ANKRD33B: variants seen among roughly 807,000 people sequenced by gnomAD.
The protein encoded by ANKRD33B is ankyrin repeat domain 33B, also known as ankyrin repeat domain-containing protein 33B.
Under a neutral mutation model 21.5 loss-of-function variants are expected in ANKRD33B, and 6 were observed. The observed-to-expected ratio is 0.28, with a 90% CI of 0.15 to 0.55. The LOEUF is 0.55. Ranked by LOEUF, ANKRD33B falls within the 20% of genes least tolerant of loss-of-function variation. ANKRD33B has a pLI of 0.94. For synonymous variants in ANKRD33B, 347 were observed against 342.4 expected, an observed-to-expected ratio of 1.01 and a Z score of -0.15; for missense variants, 698 against 747.2, an observed-to-expected ratio of 0.93 and a Z score of 0.77.
chr5:10,579,419 A>G (rs1006205043), intron 1 of ANKRD33B, among the ~76,000 whole-genome samples: 1 of 151,994 alleles, frequency 6.6e-6, no homozygotes, highest in African/African-American at 2.4e-5. Flanking sequence ...TAAAACACAA[A>G]TCAGGTGCTG....
chr5:10,643,070 A>G lies in ANKRD33B; in HGVS notation c.637+4902A>G, dbSNP rs149371717. Among the ~76,000 whole-genome samples, 72 of 151,986 alleles carry G rather than the reference A, an allele frequency of 4.7e-4. No individual in the cohort carries two copies. The East Asian group carries it at 0.013, about 27-fold the overall frequency. ...CAGGCATGCACCACCACATCCAGCT[A>G]ATGTTTGTATTTTTAGGAGAGACAG... is the stretch of plus-strand genomic sequence containing the variant. On this transcript the variant is annotated intron_variant, in intron 3 of 3. Coordinates refer to ENST00000296657, the MANE Select transcript of ANKRD33B (RefSeq NM_001164440.2).
At position 10,654,512 on chromosome 5, in the gene ANKRD33B, A is replaced by G. The variant is rs138805726; in HGVS notation, c.*4399A>G. 4 of 152,504 alleles carry G rather than the reference A, an allele frequency of 2.6e-5. No homozygotes were observed. Among genetic ancestry groups the G allele is most frequent in the East Asian group, 1.9e-4 (1 of 5,332 alleles). The allele number at this position is 152,504 out of a possible 1,614,324, so 9.4% of individuals were successfully genotyped here. On this transcript the variant is annotated 3_prime_UTR_variant, in exon 4 of 4. Transcript: ENST00000296657. Reference sequence around the variant, plus strand: ...GGACAGAAGAAATATTTCTCAGACAATGTCGATGCTGCTGATGACAACTGA... The same window carrying G: ...GGACAGAAGAAATATTTCTCAGACAGTGTCGATGCTGCTGATGACAACTGA...
At chr5:10,623,676 G>T (rs1395294370) in intron 2 of ANKRD33B, among the ~76,000 whole-genome samples, 1 of 152,230 alleles carries the variant, frequency 6.6e-6, no homozygotes, top group Non-Finnish European at 1.5e-5. Context: ...TCTCTTGGGA[G>T]CTGGCCCACC....
At position 10,564,483 on chromosome 5, in the gene ANKRD33B, G is replaced by C; in HGVS notation, c.16G>C (p.Gly6Arg). The change falls in exon 1 of 4, where the codon GGG (glycine) becomes CGG (arginine). Residue 6 changes from glycine (G) to arginine (R), a missense_variant. By Grantham distance (125) the Gly-to-Arg change is moderately radical. Around this residue, in one of 3 missense-constraint regions of ANKRD33B, gnomAD observed 148 missense variants for 154.9 expected, o/e 0.96. Coordinates refer to ENST00000296657, the MANE Select transcript of ANKRD33B (RefSeq NM_001164440.2). MVLLA[G>R]TGPEGGGARC... ...GGCCGCCGGCATGGTGCTGCTGGCCGGGACCGGGCCGGAGGGCGGCGGGGC... is the reference window on the plus strand; with the variant it reads ...GGCCGCCGGCATGGTGCTGCTGGCCCGGACCGGGCCGGAGGGCGGCGGGGC... The C allele has an allele frequency of 1.3e-6, 2 of 1,481,984 alleles. No homozygotes were observed. The highest frequency in any genetic ancestry group is 1.8e-6 in the Non-Finnish European group (2 of 1,114,712). 91.8% of individuals were successfully genotyped at this position (1,481,984 alleles called of 1,614,324 possible). A position where few individuals can be genotyped will look rare whatever the true frequency, so the allele number is the denominator to read the frequency against.
chr5:10,573,711 GA>G (rs1735253015), intron 1 of ANKRD33B, among the ~76,000 whole-genome samples: 1 of 152,164 alleles, frequency 6.6e-6, no homozygotes, highest in African/African-American at 2.4e-5. Flanking sequence ...GAGTGAGAGT[GA>G]GGGGGGAAGT....
intron 3 of ANKRD33B, among the ~76,000 whole-genome samples, chr5:10,643,045 C>T (rs1394395503): frequency 6.6e-6 from 1 of 152,110 alleles, no homozygotes; most frequent in Non-Finnish European, 1.5e-5. Context: ...GCTAGGACTA[C>T]AGGCATGCAC....
intron 1 of ANKRD33B, among the ~76,000 whole-genome samples, chr5:10,577,169 G>A (rs1202715461): frequency 7.0e-6 from 1 of 142,790 alleles, no homozygotes; most frequent in Non-Finnish European, 1.5e-5. Flanking sequence ...CACTCTTGTT[G>A]CCCAGTCTGG....
At chr5:10,622,797 TATTTTATTTTA>T (rs1263050900) in intron 2 of ANKRD33B, among the ~76,000 whole-genome samples, 36 of 141,458 alleles carry the variant, frequency 2.5e-4, no homozygotes, top group African/African-American at 3.2e-4. Flanking sequence ...GTTTTTGCTT[TATTTTATTTTA>T]TTTTTTTTTT....
At chr5:10,573,443 G>A (rs1042821300) in intron 1 of ANKRD33B, among the ~76,000 whole-genome samples, 8 of 150,142 alleles carry the variant, frequency 5.3e-5, no homozygotes, top group Admixed American at 5.3e-4. Context: ...ACTCCAGCCT[G>A]GGCAACAGAG....
intron 1 of ANKRD33B, among the ~76,000 whole-genome samples, chr5:10,585,816 C>G (rs1560964649): frequency 6.6e-6 from 1 of 152,214 alleles, no homozygotes; most frequent in Non-Finnish European, 1.5e-5. Context: ...TAAAGCAGAG[C>G]TGTGGGTCCA....
intron 2 of ANKRD33B, among the ~76,000 whole-genome samples, chr5:10,624,501 C>T (rs1335441119): frequency 6.6e-6 from 1 of 152,132 alleles, no homozygotes; most frequent in African/African-American, 2.4e-5. Flanking sequence ...CTGTGGCCGC[C>T]ACTGTGTGCA....
At chr5:10,637,307 G>A (rs908133485) in intron 2 of ANKRD33B, among the ~76,000 whole-genome samples, 6 of 152,170 alleles carry the variant, frequency 3.9e-5, no homozygotes, top group East Asian at 1.9e-4. Flanking sequence ...TTTTGGAGGT[G>A]CAAGGTGAGA....
At chr5:10,600,579 G>A (rs931803165) in intron 1 of ANKRD33B, among the ~76,000 whole-genome samples, 1 of 152,176 alleles carries the variant, frequency 6.6e-6, no homozygotes, top group Non-Finnish European at 1.5e-5. Flanking sequence ...GAATATTTGG[G>A]TTGTTTGCAA....
At chr5:10,617,984 C>T (rs1216367163) in intron 1 of ANKRD33B, among the ~76,000 whole-genome samples, 3 of 152,194 alleles carry the variant, frequency 2.0e-5, no homozygotes, top group Non-Finnish European at 4.4e-5. Context: ...CTGCACACAC[C>T]TTTTTTACCC....
chr5:10,629,850 G>A (rs1187373322), intron 2 of ANKRD33B, among the ~76,000 whole-genome samples: 3 of 152,182 alleles, frequency 2.0e-5, no homozygotes, highest in Non-Finnish European at 4.4e-5. Flanking sequence ...ATGAAAGAGA[G>A]GAGTGAGTGG....
chr5:10,627,970 A>G (rs1736616181), intron 2 of ANKRD33B: 1 of 152,106 alleles, frequency 6.6e-6, no homozygotes, highest in South Asian at 2.1e-4. Flanking sequence ...CTCCCCTACT[A>G]ACCCTGCCCC....
intron 2 of ANKRD33B, among the ~76,000 whole-genome samples, chr5:10,631,612 T>C (rs1216690341): frequency 2.0e-5 from 3 of 152,088 alleles, no homozygotes; most frequent in Non-Finnish European, 4.4e-5. Context: ...AGAAGAACAA[T>C]GCATGCTGAA....
intron 2 of ANKRD33B, among the ~76,000 whole-genome samples, chr5:10,634,674 T>G (rs1039007231): frequency 6.6e-6 from 1 of 151,286 alleles, no homozygotes; most frequent in Non-Finnish European, 1.5e-5. Flanking sequence ...CAGGCCGGTC[T>G]TGAACTCCTG....
chr5:10,647,569 G>A (rs1359489503), intron 3 of ANKRD33B, among the ~76,000 whole-genome samples: 1 of 152,188 alleles, frequency 6.6e-6, no homozygotes, highest in African/African-American at 2.4e-5. Context: ...TGGGTGGACT[G>A]GGGAGATTTA....
Sources: allele counts gnomAD v4.1 joint callset (sites outside exome capture counted in the v4.1 genomes callset), GRCh38; gene constraint gnomAD v4.1.1; regional missense constraint gnomAD v4.1.1; transcripts MANE v1.5; gene names NCBI Gene and HGNC (gene_info 2026-07-23, HGNC 2026-07-21).